HS2ST1: variants seen among roughly 807,000 people sequenced by gnomAD.
HS2ST1 encodes heparan sulfate 2-O-sulfotransferase 1.
HS2ST1 carries 18 observed loss-of-function variants against 42.9 expected under a neutral mutation model. The ratio of observed to expected loss-of-function variants is 0.42; its 90% CI spans 0.29 to 0.62. The LOEUF (loss-of-function observed/expected upper bound fraction) is 0.62, where lower values mean the gene tolerates loss of function less well. HS2ST1 is among the 20% of genes least tolerant of loss of function. The pLI is 0.21. For missense variants in HS2ST1, 334 were observed against 433.8 expected (o/e 0.77, Z 2.04); for synonymous variants, 146 against 152.9 (o/e 0.95, Z 0.33).
chr1:86,924,902 C>A (rs1386695533), intron 1 of HS2ST1, among the ~76,000 whole-genome samples: 1 of 152,228 alleles, frequency 6.6e-6, no homozygotes, highest in African/African-American at 2.4e-5. Context: ...GCAATTTCTT[C>A]AGTGGGCTTG....
chr1:87,089,171 T>C (rs1247144678), intron 3 of HS2ST1, among the ~76,000 whole-genome samples: 2 of 152,048 alleles, frequency 1.3e-5, no homozygotes, highest in East Asian at 1.9e-4. Flanking sequence ...ATTTGCATAT[T>C]GATACTGTTC....
At chr1:87,089,057 T>C (rs952004725) in intron 3 of HS2ST1, among the ~76,000 whole-genome samples, 7 of 152,070 alleles carry the variant, frequency 4.6e-5, no homozygotes, top group African/African-American at 1.7e-4. Flanking sequence ...TTCAGCCCTC[T>C]TTCAGGTTCA....
rs976380582 is a variant in HS2ST1 at position 87,031,948 on chromosome 1, A to G, written c.125-40986A>G. ...ACCACCATATTATGACTAATATTTT[A>G]TGGCATAATTTACTGGTTCAGTGCA... On this transcript the variant is annotated intron_variant, in intron 1 of 6. Coordinates refer to ENST00000370550, the MANE Select transcript of HS2ST1 (RefSeq NM_012262.4). Among the ~76,000 whole-genome samples the G allele has an allele frequency of 4.6e-5, 7 of 152,330 alleles. No individual in the cohort carries two copies. The East Asian group carries it at 1.3e-3, about 29-fold the overall frequency.
intron 1 of HS2ST1, among the ~76,000 whole-genome samples, chr1:86,971,313 C>A (rs922599028): frequency 5.3e-5 from 8 of 151,034 alleles, no homozygotes; most frequent in African/African-American, 9.7e-5. Flanking sequence ...CAAAACAAAA[C>A]AAAAAAAAAC....
At chr1:87,062,591 G>A (rs1324805941) in intron 1 of HS2ST1, among the ~76,000 whole-genome samples, 1 of 152,044 alleles carries the variant, frequency 6.6e-6, no homozygotes, top group African/African-American at 2.4e-5. Flanking sequence ...CAAGAGGAAA[G>A]GGAAAGTTTA....
At chr1:86,989,018 C>T (rs1346678520) in intron 1 of HS2ST1, among the ~76,000 whole-genome samples, 4 of 152,220 alleles carry the variant, frequency 2.6e-5, no homozygotes, top group Non-Finnish European at 5.9e-5. Context: ...GGCATGTGAT[C>T]TTAATGGTAA....
chr1:87,077,347 C>T (rs1024486396), intron 2 of HS2ST1, among the ~76,000 whole-genome samples: 5 of 152,174 alleles, frequency 3.3e-5, no homozygotes, highest in African/African-American at 9.7e-5. Flanking sequence ...GCCACACTGG[C>T]CTTGTGTTTC....
chr1:86,999,260 T>G (rs1649203734), intron 1 of HS2ST1, among the ~76,000 whole-genome samples: 1 of 151,964 alleles, frequency 6.6e-6, no homozygotes, highest in Admixed American at 6.6e-5. Context: ...CTCACCGCGG[T>G]CTCTGCCTTC....
chr1:87,052,404 A>T (rs1650859737), intron 1 of HS2ST1, among the ~76,000 whole-genome samples: 1 of 152,206 alleles, frequency 6.6e-6, no homozygotes, highest in Non-Finnish European at 1.5e-5. Context: ...CTAGATGAAT[A>T]TCTTTAACAT....
At chr1:87,097,122 AT>A (rs1205438038) in intron 4 of HS2ST1, among the ~76,000 whole-genome samples, 12 of 152,202 alleles carry the variant, frequency 7.9e-5, no homozygotes, top group African/African-American at 2.9e-4. Context: ...TTCAGTAGTC[AT>A]TTACAAATAT....
intron 2 of HS2ST1, among the ~76,000 whole-genome samples, chr1:87,073,620 G>A (rs1237871533): frequency 6.6e-6 from 1 of 152,004 alleles, no homozygotes; most frequent in Non-Finnish European, 1.5e-5. Flanking sequence ...GCTTATAAAT[G>A]TATATATAGT....
intron 1 of HS2ST1, among the ~76,000 whole-genome samples, chr1:87,060,404 A>AAATAGACAAAATCTC (rs1651087985): frequency 6.6e-6 from 1 of 152,186 alleles, no homozygotes. Flanking sequence ...CCTATAATAG[A>AAATAGACAAAATCTC]AATAGACAAA....
intron 1 of HS2ST1, among the ~76,000 whole-genome samples, chr1:86,972,327 T>C (rs1414345110): frequency 6.6e-6 from 1 of 152,150 alleles, no homozygotes; most frequent in Non-Finnish European, 1.5e-5. Context: ...TGGCTTGTAT[T>C]ACAATGTTAT....
chr1:87,060,761 A>G (rs1651098888), intron 1 of HS2ST1, among the ~76,000 whole-genome samples: 1 of 152,184 alleles, frequency 6.6e-6, no homozygotes, highest in African/African-American at 2.4e-5. Flanking sequence ...TAATAACTGT[A>G]GAAAAGTATA....
chr1:86,927,030 C>G lies in HS2ST1; in HGVS notation c.124+11870C>G, dbSNP rs1016218024. Among the ~76,000 whole-genome samples, 3 of 152,306 alleles carry G rather than the reference C, an allele frequency of 2.0e-5. No homozygotes were observed. In the East Asian group the frequency reaches 5.8e-4, roughly 29 times the overall value. On this transcript the variant is annotated intron_variant, in intron 1 of 6. Transcript: ENST00000370550. ...TCTTTCAGACTGGCTGATGAACCATCTGGCTCCAGAAGAGGTTTTTGCTTT... is the reference window on the plus strand; with the variant it reads ...TCTTTCAGACTGGCTGATGAACCATGTGGCTCCAGAAGAGGTTTTTGCTTT...
intron 1 of HS2ST1, among the ~76,000 whole-genome samples, chr1:86,955,028 A>G (rs888778071): frequency 6.6e-6 from 1 of 151,986 alleles, no homozygotes; most frequent in African/African-American, 2.4e-5. Flanking sequence ...AACTGGGGAG[A>G]TCGAGGCTGC....
chr1:86,929,466 T>G (rs1660494685), intron 1 of HS2ST1, among the ~76,000 whole-genome samples: 1 of 151,852 alleles, frequency 6.6e-6, no homozygotes, highest in Non-Finnish European at 1.5e-5. Context: ...CTCCTTAAAG[T>G]AGAAATCTAT....
chr1:86,969,763 T>A (rs922932000), intron 1 of HS2ST1, among the ~76,000 whole-genome samples: 2 of 151,848 alleles, frequency 1.3e-5, no homozygotes, highest in Non-Finnish European at 2.9e-5. Flanking sequence ...AATTAAGAGT[T>A]GGCTTTTTAC....
chr1:87,106,783 G>C lies in HS2ST1; in HGVS notation c.*2087G>C, dbSNP rs2100660207. ...GCCCAAAATAAAGCACCACTTCAAG[G>C]TGTGGTTTGACATTACATGCTAATG... is the stretch of plus-strand genomic sequence containing the variant. On this transcript the variant is annotated 3_prime_UTR_variant, in exon 7 of 7. Coordinates refer to ENST00000370550, the MANE Select transcript of HS2ST1 (RefSeq NM_012262.4). 1 of 152,000 alleles carries C rather than the reference G, an allele frequency of 6.6e-6. No homozygotes were observed. The highest frequency in any genetic ancestry group is 2.1e-4 in the South Asian group (1 of 4,822). 9.4% of individuals were successfully genotyped at this position (152,000 alleles called of 1,614,324 possible).
Sources: gnomAD v4.1 joint callset for allele counts (sites outside exome capture counted in the v4.1 genomes callset) on GRCh38, gnomAD v4.1.1 for gene constraint, MANE v1.5 for transcripts, NCBI Gene and HGNC (gene_info 2026-07-23, HGNC 2026-07-21) for gene names.